Variants in LRRC7 observed in about 807,000 individuals in gnomAD.
The protein encoded by LRRC7 is leucine rich repeat containing 7.
A neutral mutation model predicts 175.7 loss-of-function variants in LRRC7; 23 were observed. The observed-to-expected ratio is 0.13, with a 90% CI of 0.09 to 0.19. The LOEUF is 0.19. Ranked by LOEUF, LRRC7 falls within the 10% of genes least tolerant of loss-of-function variation. The pLI is 1.00. For synonymous variants in LRRC7, 685 were observed against 680.9 expected (o/e 1.01, Z -0.09); for missense variants, 1,354 against 1,904.7 (o/e 0.71, Z 5.38).
intron 8 of LRRC7, among the ~76,000 whole-genome samples, chr1:69,976,550 T>C (rs1652840614): frequency 6.6e-6 from 1 of 152,214 alleles, no homozygotes; most frequent in Non-Finnish European, 1.5e-5. Flanking sequence ...ACACTCACTA[T>C]TAACCATCAC....
intron 2 of LRRC7, among the ~76,000 whole-genome samples, chr1:69,718,870 A>T (rs1181307103): frequency 6.6e-6 from 1 of 151,846 alleles, no homozygotes; most frequent in Non-Finnish European, 1.5e-5. Flanking sequence ...GGATATTGCA[A>T]TTAGTCAGTA....
chr1:69,741,224 A>C (rs1668672316), intron 2 of LRRC7, among the ~76,000 whole-genome samples: 1 of 152,090 alleles, frequency 6.6e-6, no homozygotes, highest in Admixed American at 6.6e-5. Flanking sequence ...GTTATGCTTA[A>C]ATTTTTTAAA....
chr1:69,846,153 C>A (rs1210168576), intron 7 of LRRC7, among the ~76,000 whole-genome samples: 1 of 152,016 alleles, frequency 6.6e-6, no homozygotes, highest in African/African-American at 2.4e-5. Flanking sequence ...AATTATAATG[C>A]ATTATAACAA....
intron 2 of LRRC7, among the ~76,000 whole-genome samples, chr1:69,684,493 C>G (rs1660881090): frequency 6.6e-6 from 1 of 152,088 alleles, no homozygotes; most frequent in Non-Finnish European, 1.5e-5. Context: ...GATTCTGGAA[C>G]AGATGGCATA....
Position 70,038,805 on chromosome 1 carries a change from G to A in LRRC7, c.2981G>A (p.Gly994Asp), listed in dbSNP as rs1334694422. 6.2e-7 allele frequency: 1 copy of A among 1,613,958 alleles called. No homozygotes were observed. ...KSQSIDEIDIGTYKVYNIPLE... is the reference protein window; with the variant it reads ...KSQSIDEIDIDTYKVYNIPLE... The stretch of plus-strand genomic sequence containing the variant: ...CAGAGTATCGATGAGATTGACATTG[G>A]TACATATAAGGTGTATAACATACCA... Residue 994 changes from glycine (G) to aspartate (D), a missense_variant, in exon 21 of 27, where the codon GGT becomes GAT. By Grantham distance (94) the Gly-to-Asp change is moderately conservative. Transcript: ENST00000651989.
intron 23 of LRRC7, among the ~76,000 whole-genome samples, chr1:70,071,293 G>C (rs76462435): frequency 0.026 from 3,912 of 152,232 alleles, 113 homozygotes; most frequent in African/African-American, 0.071. Context: ...CCACCATGCT[G>C]TGACTTGTTC....
At chr1:70,064,768 A>G (rs527509489) in intron 23 of LRRC7, among the ~76,000 whole-genome samples, 22 of 151,944 alleles carry the variant, frequency 1.4e-4, no homozygotes, top group African/African-American at 3.9e-4. Flanking sequence ...GCAAATCAAA[A>G]TTTTTAGAGA....
In LRRC7 at chr1:69,974,517, T is replaced by C. The variant is rs1221530371; in HGVS notation, c.712-5862T>C. Among the ~76,000 whole-genome samples, 3 of 152,334 alleles carry C rather than the reference T, an allele frequency of 2.0e-5. No homozygotes were observed. The East Asian group carries it at 5.8e-4, about 29-fold the overall frequency. On this transcript the variant is annotated intron_variant, in intron 8 of 26. Transcript: ENST00000651989. ...TATTCCAAGTTATTCTGGAGTTAAT[T>C]CACTAATTTTTAACGGAAACAACTG...
intron 1 of LRRC7, among the ~76,000 whole-genome samples, chr1:69,577,196 C>T (rs571130469): frequency 2.7e-4 from 41 of 152,218 alleles, no homozygotes; most frequent in African/African-American, 8.4e-4. Flanking sequence ...AACTGTTATG[C>T]ATGTTTAAGT....
chr1:69,685,722 G>A (rs955739168), intron 2 of LRRC7, among the ~76,000 whole-genome samples: 9 of 151,982 alleles, frequency 5.9e-5, no homozygotes, highest in Non-Finnish European at 1.0e-4. Context: ...GAACCTCAGG[G>A]ATTTGTGGAA....
chr1:70,114,269 A>G (rs1665706877), intron 26 of LRRC7, among the ~76,000 whole-genome samples: 2 of 152,262 alleles, frequency 1.3e-5, no homozygotes, highest in African/African-American at 4.8e-5. Flanking sequence ...GAATAATCAC[A>G]TAACTTTTAA....
At position 70,010,829 on chromosome 1, in the gene LRRC7, G is replaced by A. The variant is rs1656437414; in HGVS notation, c.1005-968G>A. On this transcript the variant is annotated intron_variant, in intron 11 of 26. Coordinates refer to ENST00000651989, the MANE Select transcript of LRRC7 (RefSeq NM_001370785.2). ...GCATTGAAGTGTCTTGTTGCCTTGT[G>A]ATAATTTCAATGTACATCTATACAA... Among the ~76,000 whole-genome samples, 2 of 152,108 alleles carry A rather than the reference G, an allele frequency of 1.3e-5. 1 individual carries two copies. Among genetic ancestry groups the A allele is most frequent in the South Asian group, 4.1e-4 (2 of 4,820 alleles).
At chr1:69,834,954 T>G in intron 6 of LRRC7, 85 bp downstream of exon 6, 1 of 1,004,324 alleles carries the variant, frequency 1.0e-6, no homozygotes, top group Middle Eastern at 2.1e-4. Context: ...ACTTCAAAAG[T>G]GTCAGTTGTG....
At chr1:70,051,564 A>G (rs1042030859) in intron 22 of LRRC7, among the ~76,000 whole-genome samples, 1 of 152,066 alleles carries the variant, frequency 6.6e-6, no homozygotes, top group Non-Finnish European at 1.5e-5. Flanking sequence ...GAAGTAACAC[A>G]TACTTTAAAC....
rs1570167161 is a variant in LRRC7 at position 69,650,538 on chromosome 1, T to C, written c.3-27843T>C. Reference sequence around the variant, plus strand: ...CTGGGCGAAAAAGAGAGACTCCGTCTCAAAAAAAAAAAAAAATGCCAAGCA... The same window carrying C: ...CTGGGCGAAAAAGAGAGACTCCGTCCCAAAAAAAAAAAAAAATGCCAAGCA... On this transcript the variant is annotated intron_variant, in intron 1 of 26. Coordinates refer to ENST00000651989, the MANE Select transcript of LRRC7 (RefSeq NM_001370785.2). 1.0e-4 allele frequency among the ~76,000 whole-genome samples: 3 copies of C among 28,838 alleles called. No homozygotes were observed. The South Asian group carries it at 3.5e-3, about 34-fold the overall frequency. The allele number at this position is 28,838 out of a possible 152,430, so 18.9% of individuals were successfully genotyped here. A position where few individuals can be genotyped will look rare whatever the true frequency, so the allele number is the denominator to read the frequency against.
At chr1:70,065,443 G>A (rs1661896577) in intron 23 of LRRC7, among the ~76,000 whole-genome samples, 1 of 151,910 alleles carries the variant, frequency 6.6e-6, no homozygotes, top group Non-Finnish European at 1.5e-5. Flanking sequence ...TGCCTGTTAT[G>A]TAAGTGTTTA....
intron 7 of LRRC7, among the ~76,000 whole-genome samples, chr1:69,922,534 C>A (rs2101740247): frequency 6.6e-6 from 1 of 152,276 alleles, no homozygotes; most frequent in Admixed American, 6.5e-5. Context: ...CACCTTTCAT[C>A]TTTAAAACCT....
At chr1:69,728,262 A>G (rs1478016012) in intron 2 of LRRC7, among the ~76,000 whole-genome samples, 3 of 152,214 alleles carry the variant, frequency 2.0e-5, no homozygotes, top group Non-Finnish European at 2.9e-5. Flanking sequence ...AATGGGAATC[A>G]TGTAACATCT....
chr1:69,909,363 C>T (rs1199401186), intron 7 of LRRC7, among the ~76,000 whole-genome samples: 4 of 152,058 alleles, frequency 2.6e-5, no homozygotes, highest in Admixed American at 6.6e-5. Flanking sequence ...TTCTTCCTAG[C>T]CTTGATGGTC....
Sources: gnomAD v4.1 joint callset for allele counts (sites outside exome capture counted in the v4.1 genomes callset) on GRCh38, gnomAD v4.1.1 for gene constraint, MANE v1.5 for transcripts, NCBI Gene and HGNC (gene_info 2026-07-23, HGNC 2026-07-21) for gene names.